ANK1: variants seen among roughly 807,000 people sequenced by gnomAD.
ANK1 encodes the protein ankyrin 1.
A neutral mutation model predicts 210.4 loss-of-function variants in ANK1; 51 were observed. That is an observed-to-expected ratio of 0.24 (90% CI 0.19 to 0.31). The LOEUF (loss-of-function observed/expected upper bound fraction) is 0.31. Ranked by LOEUF, ANK1 falls within the 10% of genes least tolerant of loss-of-function variation. The pLI is 1.00. For synonymous variants in ANK1, 967 were observed against 1,025.9 expected (o/e 0.94, Z 1.10); for missense variants, 2,051 against 2,504.4 (o/e 0.82, Z 3.86).
At chr8:41,676,480 C>T (rs969087171) in intron 37 of ANK1, among the ~76,000 whole-genome samples, 7 of 152,192 alleles carry the variant, frequency 4.6e-5, no homozygotes, top group African/African-American at 1.7e-4. Flanking sequence ...TATTCCAATA[C>T]TATAGCAGAT....
intron 1 of ANK1, among the ~76,000 whole-genome samples, chr8:41,838,120 T>G (rs1808130707): frequency 6.6e-6 from 1 of 152,236 alleles, no homozygotes; most frequent in Non-Finnish European, 1.5e-5. Flanking sequence ...CACTGTTTAT[T>G]GAGCATTTTA....
chr8:41,874,719 G>A (rs1415905949), intron 1 of ANK1, among the ~76,000 whole-genome samples: 1 of 152,188 alleles, frequency 6.6e-6, no homozygotes, highest in African/African-American at 2.4e-5. Context: ...CTTCAGCACT[G>A]GCTAAGAAAA....
intron 9 of ANK1, among the ~76,000 whole-genome samples, chr8:41,721,656 C>CAAAAAAAAAAAAAAAAA (rs55653901): frequency 2.8e-5 from 3 of 108,126 alleles, no homozygotes; most frequent in Admixed American, 9.6e-5. Flanking sequence ...GACTTCATCT[C>CAAAAAAAAAAAAAAAAA]AAAAAAAAAA....
In ANK1 at chr8:41,868,928, C is replaced by T. The variant is rs533304025; in HGVS notation, c.126+27427G>A. The stretch of plus-strand genomic sequence containing the variant: ...GAGGCTCAGACGGGGAGAAGGAATG[C>T]GAACACCCAGGGTTCCAGCACCCAG... On this transcript the variant is annotated intron_variant, in intron 1 of 42. Coordinates refer to the ANK1 transcript ENST00000265709. Among the ~76,000 whole-genome samples the T allele has an allele frequency of 1.7e-4, 26 of 152,292 alleles. 1 individual carries two copies. The South Asian group carries it at 5.2e-3, about 30-fold the overall frequency.
intron 1 of ANK1, among the ~76,000 whole-genome samples, chr8:41,885,651 C>T (rs1397366158): frequency 4.6e-5 from 7 of 152,236 alleles, no homozygotes; most frequent in Non-Finnish European, 1.0e-4. Flanking sequence ...CTTCCCTGCC[C>T]ACTGGCACTG....
chr8:41,694,892 AC>A lies in ANK1; in HGVS notation c.3116-90del. The A allele has an allele frequency of 7.4e-7, 1 of 1,356,084 alleles. No individual in the cohort carries two copies. The highest frequency in any genetic ancestry group is 1.0e-6 in the Non-Finnish European group (1 of 963,152). The allele number at this position is 1,356,084 out of a possible 1,614,324, so 84.0% of individuals were successfully genotyped here. On this transcript the variant is annotated intron_variant, in intron 27 of 42. Coordinates refer to ENST00000289734, the MANE Select transcript of ANK1 (RefSeq NM_000037.4). This position sits in a 1 kb window ranked among gnomAD's most constrained non-coding sequence, Gnocchi z 5.7. ...GCCCCAGAGTCTCCTTGTCCCCAAG[AC>A]CCAGTGCACACACCCTCCCCAGGTG...
intron 1 of ANK1, among the ~76,000 whole-genome samples, chr8:41,863,001 G>T (rs887782009): frequency 6.6e-6 from 1 of 151,952 alleles, no homozygotes; most frequent in Non-Finnish European, 1.5e-5. Flanking sequence ...GACAGAGAAA[G>T]ACCCTGTCTC....
chr8:41,730,416 G>C (rs1222946590), intron 3 of ANK1, among the ~76,000 whole-genome samples: 1 of 152,038 alleles, frequency 6.6e-6, no homozygotes, highest in Non-Finnish European at 1.5e-5. Flanking sequence ...ACCAGCCTGG[G>C]AAACAGTGAG....
At chr8:41,838,013 C>T (rs1285747466) in intron 1 of ANK1, among the ~76,000 whole-genome samples, 4 of 152,236 alleles carry the variant, frequency 2.6e-5, no homozygotes, top group Admixed American at 6.5e-5. Context: ...ACCTCCTCCA[C>T]ACACCCATCT....
Position 41,655,531 on chromosome 8 carries a change from G to C in ANK1, c.*259C>G. The C allele has an allele frequency of 1.6e-6, 1 of 639,422 alleles. No homozygotes were observed. The highest frequency in any genetic ancestry group is 2.8e-5 in the East Asian group (1 of 35,756). 39.6% of individuals were successfully genotyped at this position (639,422 alleles called of 1,614,324 possible). A position where few individuals can be genotyped will look rare whatever the true frequency, so the allele number is the denominator to read the frequency against. ...CTTGCTGCTTTTGTGTCCTGGTTCCGACAGATCAGCTGTCATTGCAAGAGG... is the reference window on the plus strand; with the variant it reads ...CTTGCTGCTTTTGTGTCCTGGTTCCCACAGATCAGCTGTCATTGCAAGAGG... On this transcript the variant is annotated 3_prime_UTR_variant, in exon 43 of 43. Coordinates refer to ENST00000289734, the MANE Select transcript of ANK1 (RefSeq NM_000037.4).
intron 16 of ANK1, among the ~76,000 whole-genome samples, chr8:41,713,352 G>A (rs371600248): frequency 3.1e-4 from 47 of 152,212 alleles, no homozygotes; most frequent in African/African-American, 1.0e-3. Context: ...ACACAGCCTC[G>A]CCTTCCCACA....
chr8:41,705,578 G>A (rs1041484482), intron 18 of ANK1, among the ~76,000 whole-genome samples: 1 of 152,166 alleles, frequency 6.6e-6, no homozygotes, highest in African/African-American at 2.4e-5. Flanking sequence ...GAAACAAAAT[G>A]TGGCTTCTTC....
At chr8:41,724,225 G>T (rs1225359519) in intron 7 of ANK1, among the ~76,000 whole-genome samples, 4 of 152,146 alleles carry the variant, frequency 2.6e-5, no homozygotes, top group Non-Finnish European at 5.9e-5. Context: ...TGCCCTCCAG[G>T]TTTCCCATTT....
intron 2 of ANK1, among the ~76,000 whole-genome samples, chr8:41,744,085 G>C (rs1242720714): frequency 6.6e-6 from 1 of 152,206 alleles, no homozygotes; most frequent in Non-Finnish European, 1.5e-5. Context: ...AAAGGATGAA[G>C]AAGCCAACTG....
upstream of ANK1, among the ~76,000 whole-genome samples, chr8:41,799,873 C>G (rs979056605): frequency 1.3e-5 from 2 of 152,118 alleles, no homozygotes; most frequent in African/African-American, 2.4e-5. Context: ...TTCAGGGAGC[C>G]GGACTCACGA....
chr8:41,870,598 G>T (rs1223647128), intron 1 of ANK1, among the ~76,000 whole-genome samples: 1 of 152,234 alleles, frequency 6.6e-6, no homozygotes, highest in Non-Finnish European at 1.5e-5. Flanking sequence ...GGGCAAAGCT[G>T]CCAGAGGTCT....
At chr8:41,706,434 G>T (rs543391674) in intron 17 of ANK1, among the ~76,000 whole-genome samples, 193 bp from the exon 18 acceptor site, 73 of 152,332 alleles carry the variant, frequency 4.8e-4, no homozygotes, top group Non-Finnish European at 8.1e-4. Flanking sequence ...TAGACCAGGG[G>T]TTGGCAACTT....
At chr8:41,723,664 C>A (rs746402616) in intron 7 of ANK1, 31 bp from the exon 8 acceptor site, 1 of 1,599,596 alleles carries the variant, frequency 6.3e-7, no homozygotes, top group Non-Finnish European at 8.5e-7. Flanking sequence ...GGTCAGGGCG[C>A]GTCATCCTTC....
intron 42 of ANK1, among the ~76,000 whole-genome samples, chr8:41,657,840 C>T (rs1806308482): frequency 6.6e-6 from 1 of 152,182 alleles, no homozygotes; most frequent in Admixed American, 6.5e-5. Flanking sequence ...CTCCTGGGTC[C>T]CCTCACCTTT....
Sources: allele counts gnomAD v4.1 joint callset (sites outside exome capture counted in the v4.1 genomes callset), GRCh38; gene constraint gnomAD v4.1.1; non-coding constraint Gnocchi (gnomAD v3.1); transcripts MANE v1.5; gene names NCBI Gene and HGNC (gene_info 2026-07-23, HGNC 2026-07-21).